The following RELN variants were observed in gnomAD, a reference collection of about 807,000 sequenced individuals.
The protein encoded by RELN is reelin.
In RELN, 108 loss-of-function variants were observed where a neutral mutation model predicts 427.6. The observed-to-expected ratio is 0.25, with a 90% CI of 0.22 to 0.30. RELN has a LOEUF of 0.30. Among genes scored for constraint, RELN ranks in the 10% least tolerant of loss-of-function variants. RELN has a pLI of 1.00. For synonymous variants in RELN, 1,524 were observed against 1,513.4 expected (o/e 1.01, Z -0.16); for missense variants, 3,715 against 4,302.8 (o/e 0.86, Z 3.82).
intron 41 of RELN, among the ~76,000 whole-genome samples, chr7:103,546,524 T>C (rs1222515611): frequency 1.3e-5 from 2 of 152,212 alleles, no homozygotes; most frequent in African/African-American, 4.8e-5. Context: ...GGTAGTGAAA[T>C]TGATGGACCT....
chr7:103,980,528 C>T (rs575294097), intron 1 of RELN, among the ~76,000 whole-genome samples: 39 of 152,290 alleles, frequency 2.6e-4, no homozygotes, highest in African/African-American at 9.4e-4. Flanking sequence ...GAAATAACCA[C>T]CATTTTGAAA....
rs767519770 is a variant in RELN at position 103,611,784 on chromosome 7, G to T, written c.2722C>A (p.Leu908Ile). Residue 908 changes from leucine (L) to isoleucine (I), a missense_variant, in exon 21 of 65, where the codon CTT (leucine) becomes ATT (isoleucine). Transcript: ENST00000428762. ...TCCACATAGCGCATACTTGAGGCAA[G>T]TTTAGAATCTCCTGTAAAACTGAAA... ...WTLCFTGDSK[L>I]ASSMRYVETQ... The T allele has an allele frequency of 3.1e-6, 5 of 1,613,486 alleles. No individual in the cohort carries two copies. Among genetic ancestry groups the T allele is most frequent in the African/African-American group, 1.3e-5 (1 of 74,900 alleles).
At chr7:103,578,736 G>A (rs558970522) in intron 28 of RELN, among the ~76,000 whole-genome samples, 1 of 152,294 alleles carries the variant, frequency 6.6e-6, no homozygotes, top group Non-Finnish European at 1.5e-5. Context: ...ATGAGAAGAA[G>A]GAAGGAAATA....
chr7:103,714,639 T>A (rs906170755), intron 8 of RELN, among the ~76,000 whole-genome samples: 1 of 152,190 alleles, frequency 6.6e-6, no homozygotes, highest in African/African-American at 2.4e-5. Flanking sequence ...TAGAGGCAGC[T>A]CATGCTTTGT....
At chr7:103,651,819 A>G in intron 14 of RELN, 30 bp from the exon 15 acceptor site, 2 of 1,607,518 alleles carry the variant, frequency 1.2e-6, no homozygotes, top group Non-Finnish European at 1.7e-6. Context: ...CACACACAAA[A>G]GGTGGGGAGG....
intron 43 of RELN, 145 bp from the exon 44 acceptor site, chr7:103,540,600 A>T: frequency 1.4e-6 from 1 of 736,826 alleles, no homozygotes; most frequent in Non-Finnish European, 2.3e-6. Flanking sequence ...CAATCACTTC[A>T]AAGTCTGATT....
chr7:103,909,755 T>TATATATTAA (rs1795311718), intron 2 of RELN, among the ~76,000 whole-genome samples: 1 of 85,508 alleles, frequency 1.2e-5, no homozygotes, highest in Non-Finnish European at 1.9e-5. Context: ...ATATATATAT[T>TATATATTAA]AAATATATAT....
intron 28 of RELN, among the ~76,000 whole-genome samples, chr7:103,586,786 C>A (rs1398081719): frequency 6.6e-6 from 1 of 152,086 alleles, no homozygotes; most frequent in East Asian, 1.9e-4. Context: ...CATTGACAAT[C>A]TCCAAAATAA....
intron 16 of RELN, among the ~76,000 whole-genome samples, chr7:103,648,472 G>T (rs1486507324): frequency 6.6e-6 from 1 of 152,052 alleles, no homozygotes; most frequent in East Asian, 1.9e-4. Context: ...TTATAGCAGT[G>T]CAAGAATGGA....
At chr7:103,833,490 C>T (rs201441119) in intron 3 of RELN, 47 bp downstream of exon 3, 142 of 1,542,244 alleles carry the variant, frequency 9.2e-5, no homozygotes, top group Non-Finnish European at 1.2e-4. Flanking sequence ...ATGAGAAGTC[C>T]TAAGTATTTG....
chr7:103,695,904 C>T (rs1461249779), intron 10 of RELN, among the ~76,000 whole-genome samples: 1 of 152,102 alleles, frequency 6.6e-6, no homozygotes, highest in Non-Finnish European at 1.5e-5. Flanking sequence ...AATAAATTTC[C>T]ATAAGGTTTA....
intron 8 of RELN, 114 bp from the exon 9 acceptor site, chr7:103,701,120 CTTCCCCA>C (rs1390325165): frequency 7.2e-6 from 5 of 699,192 alleles, no homozygotes; most frequent in Non-Finnish European, 1.3e-5. Context: ...TGTCTGGTAA[CTTCCCCA>C]TTCTTCTAAT....
At chr7:103,659,542 C>G (rs1395950477) in intron 12 of RELN, among the ~76,000 whole-genome samples, 1 of 152,022 alleles carries the variant, frequency 6.6e-6, no homozygotes, top group African/African-American at 2.4e-5. Flanking sequence ...GCTTGGAATT[C>G]TCTTCCTTAA....
intron 46 of RELN, among the ~76,000 whole-genome samples, chr7:103,531,397 A>C (rs1342363085): frequency 1.3e-5 from 2 of 152,228 alleles, no homozygotes; most frequent in African/African-American, 4.8e-5. Flanking sequence ...ATCTACTCCA[A>C]TTATTTATGT....
intron 2 of RELN, among the ~76,000 whole-genome samples, chr7:103,899,755 T>G (rs1381145018): frequency 1.3e-5 from 2 of 152,162 alleles, no homozygotes; most frequent in Non-Finnish European, 2.9e-5. Flanking sequence ...ACACCCTTCA[T>G]GCTAAAAACT....
At chr7:103,535,764 G>T (rs185064791) in intron 45 of RELN, among the ~76,000 whole-genome samples, 177 of 152,152 alleles carry the variant, frequency 1.2e-3, no homozygotes, top group Non-Finnish European at 1.9e-3. Context: ...ATAATGAGAA[G>T]CTTTTGGAAC....
chr7:103,985,017 G>A (rs897096281), intron 1 of RELN, among the ~76,000 whole-genome samples: 1 of 152,134 alleles, frequency 6.6e-6, no homozygotes, highest in African/African-American at 2.4e-5. Context: ...CAGAACACGT[G>A]TGCCTTTAAC....
intron 2 of RELN, among the ~76,000 whole-genome samples, chr7:103,905,696 AG>A (rs1795189010): frequency 5.9e-5 from 9 of 151,764 alleles, no homozygotes; most frequent in Admixed American, 5.9e-4. Flanking sequence ...ATGACTTCAC[AG>A]GAGTGAAGAT....
At chr7:103,844,382 C>G (rs1056758408) in intron 2 of RELN, among the ~76,000 whole-genome samples, 2 of 152,126 alleles carry the variant, frequency 1.3e-5, no homozygotes, top group Non-Finnish European at 2.9e-5. Flanking sequence ...CTTCTGCCTA[C>G]CCTAATGCTC....
Sources: allele counts gnomAD v4.1 joint callset (sites outside exome capture counted in the v4.1 genomes callset), GRCh38; gene constraint gnomAD v4.1.1; transcripts MANE v1.5; gene names NCBI Gene and HGNC (gene_info 2026-07-23, HGNC 2026-07-21).